PITPNC1: variants seen among roughly 807,000 people sequenced by gnomAD.
PITPNC1 encodes the protein cytoplasmic phosphatidylinositol transfer protein 1.
PITPNC1 carries 18 observed loss-of-function variants against 44.7 expected under a neutral mutation model. That is an observed-to-expected ratio of 0.40 (90% CI 0.28 to 0.60). PITPNC1 has a LOEUF of 0.60. Among genes scored for constraint, PITPNC1 ranks in the 20% least tolerant of loss-of-function variants. The pLI, the probability that PITPNC1 is intolerant of heterozygous loss-of-function variation, is 0.39. For synonymous variants in PITPNC1, 141 were observed against 149.6 expected (o/e 0.94, Z 0.42); for missense variants, 290 against 418.4 (o/e 0.69, Z 2.68).
At chr17:67,594,651 C>T (rs547501493) in intron 5 of PITPNC1, among the ~76,000 whole-genome samples, 1 of 152,252 alleles carries the variant, frequency 6.6e-6, no homozygotes, top group Non-Finnish European at 1.5e-5. Flanking sequence ...TGGCACAGCT[C>T]TGTTCCAAGA....
At chr17:67,468,681 G>A (rs184247335) in intron 1 of PITPNC1, among the ~76,000 whole-genome samples, 13 of 150,300 alleles carry the variant, frequency 8.6e-5, no homozygotes, top group African/African-American at 2.7e-4. Context: ...GGGATTACAG[G>A]TGTGAACCAC....
chr17:67,442,204 C>CATAT (rs10526037), intron 1 of PITPNC1, among the ~76,000 whole-genome samples: 1,311 of 53,988 alleles, frequency 0.024, 75 homozygotes, highest in Non-Finnish European at 0.035. Context: ...GGAAAATAAG[C>CATAT]ATATATATAT....
intron 5 of PITPNC1, among the ~76,000 whole-genome samples, chr17:67,617,510 A>G (rs1430403257): frequency 6.6e-6 from 1 of 152,218 alleles, no homozygotes; most frequent in Admixed American, 6.5e-5. Flanking sequence ...TCTCAAAACA[A>G]ACAAACAAAA....
At chr17:67,643,601 C>G (rs1310699576) in intron 6 of PITPNC1, among the ~76,000 whole-genome samples, 1 of 152,136 alleles carries the variant, frequency 6.6e-6, no homozygotes, top group Non-Finnish European at 1.5e-5. Context: ...ATGATTCAGC[C>G]CTAATGTGGT....
intron 2 of PITPNC1, 107 bp from the exon 3 acceptor site, chr17:67,552,150 T>C: frequency 1.4e-6 from 1 of 699,804 alleles, no homozygotes. Context: ...AGAAAAGAGA[T>C]GCCCCAGAAT....
intron 1 of PITPNC1, among the ~76,000 whole-genome samples, chr17:67,425,087 A>G (rs1022589716): frequency 6.6e-6 from 1 of 151,830 alleles, no homozygotes; most frequent in Non-Finnish European, 1.5e-5. Flanking sequence ...TCCACCGCCT[A>G]TCCCAAAACC....
At chr17:67,537,725 T>C (rs796381498) in intron 2 of PITPNC1, among the ~76,000 whole-genome samples, 58 of 152,176 alleles carry the variant, frequency 3.8e-4, no homozygotes, top group African/African-American at 1.4e-3. Context: ...ATAATCCTAG[T>C]TCTTTGGGAG....
intron 1 of PITPNC1, among the ~76,000 whole-genome samples, chr17:67,512,911 T>C (rs1169284691): frequency 6.6e-6 from 1 of 152,184 alleles, no homozygotes; most frequent in Non-Finnish European, 1.5e-5. Flanking sequence ...TCCGGAGTTA[T>C]CTAAGCTCCA....
At chr17:67,545,344 C>T (rs1459162552) in intron 2 of PITPNC1, among the ~76,000 whole-genome samples, 1 of 151,464 alleles carries the variant, frequency 6.6e-6, no homozygotes, top group African/African-American at 2.4e-5. Flanking sequence ...TTTGGGAGGC[C>T]AAGCAGGCAG....
At chr17:67,567,080 T>G (rs900703592) in intron 4 of PITPNC1, among the ~76,000 whole-genome samples, 34 of 152,338 alleles carry the variant, frequency 2.2e-4, no homozygotes, top group African/African-American at 8.2e-4. Context: ...TATAACACTA[T>G]TGTCATTATA....
chr17:67,441,284 C>G (rs954251954), intron 1 of PITPNC1, among the ~76,000 whole-genome samples: 11 of 150,470 alleles, frequency 7.3e-5, no homozygotes, highest in East Asian at 2.0e-4. Context: ...TAAGCCCCCC[C>G]CCGCCACCCA....
chr17:67,387,990 C>A (rs1338209789), intron 1 of PITPNC1, among the ~76,000 whole-genome samples: 1 of 152,176 alleles, frequency 6.6e-6, no homozygotes. Context: ...CCATACTGGA[C>A]AGTGCAGGTC....
In PITPNC1 at chr17:67,402,084, C is replaced by T. The variant is rs527566041; in HGVS notation, c.48+23882C>T. Among the ~76,000 whole-genome samples, 22 of 152,290 alleles carry T rather than the reference C, an allele frequency of 1.4e-4. No homozygotes were observed. In the East Asian group the frequency reaches 4.2e-3, roughly 29 times the overall value. ...GATAGCAATATTTTAGACTTGCAAG[C>T]CGTAAGGTCTCTGTTGCAACTACTC... On this transcript the variant is annotated intron_variant, in intron 1 of 8. Coordinates refer to ENST00000581322, the MANE Select transcript of PITPNC1 (RefSeq NM_012417.4).
intron 2 of PITPNC1, among the ~76,000 whole-genome samples, chr17:67,533,342 C>T (rs2040488546): frequency 1.3e-5 from 2 of 152,228 alleles, no homozygotes; most frequent in Non-Finnish European, 2.9e-5. Context: ...TCGTCCTCAA[C>T]TGCGTTTCCA....
chr17:67,684,004 G>T (rs1299300273), intron 8 of PITPNC1, among the ~76,000 whole-genome samples: 8 of 145,492 alleles, frequency 5.5e-5, no homozygotes, highest in African/African-American at 2.0e-4. Flanking sequence ...GAAAAGAAAA[G>T]AAACAGGGGA....
chr17:67,627,235 A>C (rs2041907294), intron 5 of PITPNC1, among the ~76,000 whole-genome samples: 1 of 152,214 alleles, frequency 6.6e-6, no homozygotes, highest in African/African-American at 2.4e-5. Context: ...CCCGGGGGAC[A>C]AGAGTGAGAC....
At chr17:67,425,136 CTT>C (rs776112667) in intron 1 of PITPNC1, among the ~76,000 whole-genome samples, 67 of 151,358 alleles carry the variant, frequency 4.4e-4, no homozygotes, top group Admixed American at 9.9e-4. Context: ...TTCGCTGACT[CTT>C]TTCGGACTCA....
intron 1 of PITPNC1, among the ~76,000 whole-genome samples, chr17:67,447,323 C>T (rs543835506): frequency 6.6e-6 from 1 of 151,856 alleles, no homozygotes; most frequent in South Asian, 2.1e-4. Context: ...AAGTGAAAAA[C>T]ACAATATAAA....
At chr17:67,425,136 C>G (rs1011482657) in intron 1 of PITPNC1, among the ~76,000 whole-genome samples, 4 of 151,358 alleles carry the variant, frequency 2.6e-5, no homozygotes, top group Non-Finnish European at 4.4e-5. Flanking sequence ...TTCGCTGACT[C>G]TTTTCGGACT....
Sources: gnomAD v4.1 joint callset for allele counts (sites outside exome capture counted in the v4.1 genomes callset) on GRCh38, gnomAD v4.1.1 for gene constraint, MANE v1.5 for transcripts, NCBI Gene and HGNC (gene_info 2026-07-23, HGNC 2026-07-21) for gene names.